Variants in GLIS1 observed in about 807,000 individuals in gnomAD.
The protein encoded by GLIS1 is GLIS family zinc finger 1, also known as zinc finger protein GLIS1.
In GLIS1, 24 loss-of-function variants were observed where a neutral mutation model predicts 63.8. The ratio of observed to expected loss-of-function variants is 0.38; its 90% CI spans 0.27 to 0.53. The LOEUF (loss-of-function observed/expected upper bound fraction) is 0.53. Ranked by LOEUF, GLIS1 falls within the 20% of genes least tolerant of loss-of-function variation. The pLI is 0.85. For synonymous variants in GLIS1, 450 were observed against 482.5 expected, an observed-to-expected ratio of 0.93 and a Z score of 0.88; for missense variants, 1,036 against 1,074.1, an observed-to-expected ratio of 0.96 and a Z score of 0.50.
chr1:53,662,756 G>C (rs972129327), intron 2 of GLIS1, among the ~76,000 whole-genome samples: 1 of 152,056 alleles, frequency 6.6e-6, no homozygotes, highest in African/African-American at 2.4e-5. Context: ...CCTCTAATCA[G>C]AGCATCGTCC....
At chr1:53,630,906 A>G (rs551290923) in intron 2 of GLIS1, among the ~76,000 whole-genome samples, 2 of 152,308 alleles carry the variant, frequency 1.3e-5, no homozygotes, top group South Asian at 4.1e-4. Flanking sequence ...TGAGCTTTAT[A>G]GCTAGTGGGG....
At chr1:53,580,606 G>A (rs182492379) in intron 4 of GLIS1, among the ~76,000 whole-genome samples, 99 of 152,274 alleles carry the variant, frequency 6.5e-4, no homozygotes, top group Admixed American at 4.4e-3. Context: ...AGAGCAGGGG[G>A]AGGCCAGGGG....
At position 53,526,713 on chromosome 1, in the gene GLIS1, C is replaced by T. The variant is rs544571116; in HGVS notation, c.1483-1826G>A. Among the ~76,000 whole-genome samples, 71 of 152,368 alleles carry T rather than the reference C, an allele frequency of 4.7e-4. No homozygotes were observed. Among genetic ancestry groups the T allele is most frequent in the Middle Eastern group, 3.4e-3 (1 of 294 alleles). ...ATGCTGATACAAATCCACTCGCTTT[C>T]GTCTAAAAGCAAACAAGCTGGCTCT... On this transcript the variant is annotated intron_variant, in intron 5 of 10. Transcript: ENST00000628545. The surrounding 1 kb of genome is among the most constrained non-coding windows in gnomAD (Gnocchi z 4.4).
intron 2 of GLIS1, among the ~76,000 whole-genome samples, chr1:53,630,193 A>C (rs1167168187): frequency 6.6e-6 from 1 of 152,182 alleles, no homozygotes; most frequent in African/African-American, 2.4e-5. Flanking sequence ...CATCTTTAGA[A>C]CGGCTGCATA....
At chr1:53,717,325 G>T (rs546720161) in intron 2 of GLIS1, among the ~76,000 whole-genome samples, 5 of 152,224 alleles carry the variant, frequency 3.3e-5, no homozygotes, top group East Asian at 1.9e-4. Context: ...ACATTTAAAG[G>T]TTCGCTCTTA....
At chr1:53,508,812 CAATA>C (rs1377039960) in intron 10 of GLIS1, among the ~76,000 whole-genome samples, 11 of 152,168 alleles carry the variant, frequency 7.2e-5, no homozygotes, top group Admixed American at 1.3e-4. Context: ...AGTAGGTGCT[CAATA>C]AATAAAGTGA....
In GLIS1 at chr1:53,727,616, G is replaced by C. The variant is rs574800767; in HGVS notation, c.259+10190C>G. ...AGAGGCCAATGGTCAGTCACTGCAG[G>C]ACAGTCATCAGGCCCCAAGCTCCTC... On this transcript the variant is annotated intron_variant, in intron 2 of 10. Transcript: ENST00000628545. Among the ~76,000 whole-genome samples, 3 of 152,342 alleles carry C rather than the reference G, an allele frequency of 2.0e-5. No individual in the cohort carries two copies. In the South Asian group the frequency reaches 6.2e-4, roughly 32 times the overall value.
At chr1:53,532,748 T>A (rs1004771442) in intron 4 of GLIS1, among the ~76,000 whole-genome samples, 2 of 152,212 alleles carry the variant, frequency 1.3e-5, no homozygotes, top group African/African-American at 2.4e-5. Flanking sequence ...GGCTTCGTCA[T>A]TTTCCTGACT....
chr1:53,738,627 G>C (rs1160335091), intron 1 of GLIS1, among the ~76,000 whole-genome samples: 1 of 152,114 alleles, frequency 6.6e-6, no homozygotes, highest in African/African-American at 2.4e-5. Context: ...AACCCCCAGA[G>C]ACTCACCCGC....
chr1:53,647,290 G>C (rs1183480434), intron 2 of GLIS1, among the ~76,000 whole-genome samples: 1 of 152,112 alleles, frequency 6.6e-6, no homozygotes, highest in Admixed American at 6.6e-5. Context: ...TGAAGAATAA[G>C]GTAGATATCA....
intron 2 of GLIS1, among the ~76,000 whole-genome samples, chr1:53,721,382 G>T (rs1393248926): frequency 6.6e-6 from 1 of 152,180 alleles, no homozygotes; most frequent in Admixed American, 6.5e-5. Context: ...CTGGGAGAAT[G>T]AAAGGAATTA....
chr1:53,633,250 C>T (rs375262979), intron 2 of GLIS1, among the ~76,000 whole-genome samples: 2 of 86,968 alleles, frequency 2.3e-5, no homozygotes, highest in African/African-American at 4.8e-5. Flanking sequence ...TGTGAAGGGG[C>T]GTGTGAATAT....
chr1:53,531,582 G>T (rs1377505378), intron 4 of GLIS1, among the ~76,000 whole-genome samples: 1 of 152,222 alleles, frequency 6.6e-6, no homozygotes, highest in Admixed American at 6.5e-5. Flanking sequence ...CCAGTCTGCG[G>T]TGAGTGCCAA....
rs1646790550 is a variant in GLIS1 at position 53,724,913 on chromosome 1, G to A, written c.259+12893C>T. ...ACTGTAGGATAATGAAAAAAAATGAGGAGGAGAAAGAGGAATAGGAGGCGA... is the reference window on the plus strand; with the variant it reads ...ACTGTAGGATAATGAAAAAAAATGAAGAGGAGAAAGAGGAATAGGAGGCGA... On this transcript the variant is annotated intron_variant, in intron 2 of 10. Transcript: ENST00000628545. 2.0e-5 allele frequency among the ~76,000 whole-genome samples: 3 copies of A among 152,264 alleles called. No homozygotes were observed. The South Asian group carries it at 6.2e-4, about 32-fold the overall frequency.
At chr1:53,633,014 G>A (rs749051741) in intron 2 of GLIS1, among the ~76,000 whole-genome samples, 9 of 144,906 alleles carry the variant, frequency 6.2e-5, no homozygotes, top group Non-Finnish European at 1.1e-4. Context: ...GGGTGTGAAT[G>A]AGTGTGACCG....
intron 2 of GLIS1, among the ~76,000 whole-genome samples, chr1:53,650,305 C>T (rs1645891493): frequency 1.3e-5 from 2 of 152,288 alleles, no homozygotes; most frequent in East Asian, 1.9e-4. Flanking sequence ...AAAGACCACA[C>T]TTGGCCGGGC....
chr1:53,644,738 A>G (rs1376603837), intron 2 of GLIS1, among the ~76,000 whole-genome samples: 7 of 152,110 alleles, frequency 4.6e-5, no homozygotes, highest in Non-Finnish European at 8.8e-5. Context: ...TAAACGGTGC[A>G]TTTGGGGGGC....
intron 2 of GLIS1, among the ~76,000 whole-genome samples, chr1:53,717,576 TAC>T (rs1050002015): frequency 6.6e-6 from 1 of 152,146 alleles, no homozygotes; most frequent in African/African-American, 2.4e-5. Context: ...CTTCACCCAA[TAC>T]ACACACACTC....
intron 4 of GLIS1, among the ~76,000 whole-genome samples, chr1:53,551,433 C>A (rs1414922582): frequency 6.6e-6 from 1 of 152,176 alleles, no homozygotes; most frequent in Non-Finnish European, 1.5e-5. Flanking sequence ...AATTGCAGGG[C>A]AAGGGGGGTC....
Sources: gnomAD v4.1 joint callset for allele counts (sites outside exome capture counted in the v4.1 genomes callset) on GRCh38, gnomAD v4.1.1 for gene constraint, Gnocchi (gnomAD v3.1) non-coding constraint, MANE v1.5 for transcripts, NCBI Gene and HGNC (gene_info 2026-07-23, HGNC 2026-07-21) for gene names.